SLC38A1: variants seen among roughly 807,000 people sequenced by gnomAD.
SLC38A1 encodes the protein solute carrier family 38 member 1, also known as sodium-coupled neutral amino acid symporter 1.
Under a neutral mutation model 60.3 loss-of-function variants are expected in SLC38A1, and 18 were observed. The observed-to-expected ratio is 0.30, with a 90% confidence interval of 0.21 to 0.44. The LOEUF is 0.44. Among genes scored for constraint, SLC38A1 ranks in the 20% least tolerant of loss-of-function variants. SLC38A1 has a pLI of 1.00. For missense variants in SLC38A1, 448 were observed against 587.2 expected (o/e 0.76, Z 2.45); for synonymous variants, 196 against 212.1 (o/e 0.92, Z 0.66).
intron 5 of SLC38A1, among the ~76,000 whole-genome samples, chr12:46,217,859 C>T (rs535240421): frequency 2.0e-5 from 3 of 152,256 alleles, no homozygotes; most frequent in South Asian, 2.1e-4. Flanking sequence ...TTATTTGTAC[C>T]GTTCTTTCCA....
intron 13 of SLC38A1, among the ~76,000 whole-genome samples, chr12:46,200,150 C>T (rs1389170983): frequency 6.6e-6 from 1 of 152,062 alleles, no homozygotes; most frequent in Non-Finnish European, 1.5e-5. Context: ...CTTAGCAACA[C>T]CATTTTTATG....
intron 16 of SLC38A1, among the ~76,000 whole-genome samples, chr12:46,194,221 G>A (rs374556846): frequency 6.6e-6 from 1 of 152,152 alleles, no homozygotes; most frequent in African/African-American, 2.4e-5. Context: ...AGGAGATTCC[G>A]GGTTGAAAAT....
At chr12:46,242,074 C>T (rs112465515) in intron 2 of SLC38A1, among the ~76,000 whole-genome samples, 8 of 151,896 alleles carry the variant, frequency 5.3e-5, no homozygotes, top group East Asian at 1.9e-4. Context: ...ATCACACACG[C>T]GTGCACGTGT....
chr12:46,206,044 A>C, intron 9 of SLC38A1, 36 bp downstream of exon 9: 151 of 1,118,664 alleles, frequency 1.3e-4, no homozygotes, highest in Non-Finnish European at 1.9e-4. Context: ...TCACTTGGGC[A>C]CTGCAGAATA....
chr12:46,220,285 C>T (rs1263938339), intron 5 of SLC38A1, among the ~76,000 whole-genome samples: 1 of 152,230 alleles, frequency 6.6e-6, no homozygotes, highest in Admixed American at 6.5e-5. Context: ...ATTTCTCCCT[C>T]TCCCGGGTTA....
chr12:46,201,022 A>G (rs1382265432), intron 13 of SLC38A1, 76 bp downstream of exon 13: 5 of 1,085,470 alleles, frequency 4.6e-6, no homozygotes, highest in Non-Finnish European at 6.8e-6. Flanking sequence ...CTTTCATGTT[A>G]AAAGTTATTT....
intron 3 of SLC38A1, among the ~76,000 whole-genome samples, chr12:46,236,287 A>T (rs777251603): frequency 4.6e-5 from 7 of 152,208 alleles, no homozygotes; most frequent in Non-Finnish European, 8.8e-5. Context: ...GCAGTAGGAT[A>T]TAAATAAGTC....
rs933464822 is a variant in SLC38A1 at position 46,269,013 on chromosome 12, G to A, written c.-696C>T. On this transcript the variant is annotated 5_prime_UTR_variant, in exon 1 of 17. Transcript: ENST00000398637. ...CGCGCGGTCTCCTCCCCTCCTGTGC[G>A]CCCGCTCTTTAACCAAAGCTGCGTG... The A allele has an allele frequency of 5.7e-5, 19 of 335,498 alleles. No individual in the cohort carries two copies. The Admixed American group carries it at 5.8e-4, about 10-fold the overall frequency. 20.8% of individuals were successfully genotyped at this position (335,498 alleles called of 1,614,324 possible). A position where few individuals can be genotyped will look rare whatever the true frequency, so the allele number is the denominator to read the frequency against.
intron 1 of SLC38A1, among the ~76,000 whole-genome samples, chr12:46,256,632 C>CAGAGAGAGAGAG (rs1305015526): frequency 2.8e-5 from 2 of 71,410 alleles, no homozygotes; most frequent in South Asian, 5.2e-4. Context: ...CACACACACA[C>CAGAGAGAGAGAG]ACACAGAGAG....
chr12:46,189,911 T>C (rs1298680662), intron 16 of SLC38A1, among the ~76,000 whole-genome samples: 2 of 152,172 alleles, frequency 1.3e-5, no homozygotes, highest in Admixed American at 1.3e-4. Context: ...TAAACCTCTT[T>C]CCTTTATAAA....
rs1939888326 is a variant in SLC38A1, at chr12:46,206,146, C to T, written c.580G>A (p.Gly194Ser). The T allele has an allele frequency of 6.2e-7, 1 of 1,608,704 alleles. No homozygotes were observed. The highest frequency in any genetic ancestry group is 1.3e-5 in the African/African-American group (1 of 74,664). ...GTAACTATCACCACCAGAACGCGGC[C>T]ATCCACGTACCAGGCTCTGAAAGGC... The part of the protein sequence containing the change: ...EETFSAWYVD[G>S]RVLVVIVTFG... The change falls in exon 9 of 17, where the codon GGC becomes AGC. Residue 194 changes from glycine (G) to serine (S), a missense_variant. Around this residue, in one of 2 missense-constraint regions of SLC38A1, gnomAD observed 346 missense variants for 497.5 expected, o/e 0.70. Transcript: ENST00000398637.
At chr12:46,204,824 CATTAT>C (rs1939821679) in intron 9 of SLC38A1, among the ~76,000 whole-genome samples, 1 of 152,068 alleles carries the variant, frequency 6.6e-6, no homozygotes, top group Non-Finnish European at 1.5e-5. Context: ...TGAATAGAAA[CATTAT>C]ATTACGTGTT....
Position 46,186,513 on chromosome 12 carries a change from TGAATAA to T in SLC38A1, c.*2451_*2456del, listed in dbSNP as rs1304775466. 1 of 152,180 alleles carries T rather than the reference TGAATAA, an allele frequency of 6.6e-6. No homozygotes were observed. Among genetic ancestry groups the T allele is most frequent in the Non-Finnish European group, 1.5e-5 (1 of 68,038 alleles). The allele number at this position is 152,180 out of a possible 1,614,324, so 9.4% of individuals were successfully genotyped here. On this transcript the variant is annotated 3_prime_UTR_variant, in exon 17 of 17. Coordinates refer to ENST00000398637, the MANE Select transcript of SLC38A1 (RefSeq NM_030674.4). Reference sequence around the variant, plus strand: ...ATTTTTGGCTACCAATTAACTATTCTGAATAAGAATAAGAGCAGTATACTTTACAGC... The same window carrying T: ...ATTTTTGGCTACCAATTAACTATTCTGAATAAGAGCAGTATACTTTACAGC...
chr12:46,239,904 G>A lies in SLC38A1; in HGVS notation c.-93-11C>T. 9.7e-6 allele frequency: 10 copies of A among 1,027,248 alleles called. No homozygotes were observed. Among genetic ancestry groups the A allele is most frequent in the African/African-American group, 1.6e-5 (1 of 61,496 alleles). The allele number at this position is 1,027,248 out of a possible 1,614,324, so 63.6% of individuals were successfully genotyped here. A position where few individuals can be genotyped will look rare whatever the true frequency, so the allele number is the denominator to read the frequency against. On this transcript the variant is annotated splice_polypyrimidine_tract_variant and intron_variant, in intron 2 of 16. Coordinates refer to ENST00000398637, the MANE Select transcript of SLC38A1 (RefSeq NM_030674.4). Reference sequence around the variant, plus strand: ...GGAAGCTTGACACCCCTAAAATATAGCAAAATAAAAAAATAACTAAACATA... The same window carrying A: ...GGAAGCTTGACACCCCTAAAATATAACAAAATAAAAAAATAACTAAACATA...
chr12:46,257,089 C>T (rs1246842477), intron 1 of SLC38A1, among the ~76,000 whole-genome samples: 4 of 152,162 alleles, frequency 2.6e-5, no homozygotes, highest in Non-Finnish European at 4.4e-5. Flanking sequence ...AAAGTTCAGG[C>T]GGCCACTTGT....
chr12:46,259,011 G>A (rs569274259), intron 1 of SLC38A1, among the ~76,000 whole-genome samples: 8 of 152,218 alleles, frequency 5.3e-5, no homozygotes, highest in South Asian at 4.2e-4. Flanking sequence ...TTATATATAT[G>A]GGATTTTTGC....
intron 5 of SLC38A1, among the ~76,000 whole-genome samples, chr12:46,217,562 C>T (rs976349870): frequency 2.0e-5 from 3 of 152,082 alleles, no homozygotes; most frequent in Admixed American, 6.5e-5. Context: ...ATTTTAACCC[C>T]TTTTTAGGGG....
chr12:46,224,089 T>A (rs1256801224), intron 5 of SLC38A1, among the ~76,000 whole-genome samples: 1 of 152,186 alleles, frequency 6.6e-6, no homozygotes, highest in Non-Finnish European at 1.5e-5. Flanking sequence ...TGGGTAAGAC[T>A]CAGATAAAGA....
intron 5 of SLC38A1, among the ~76,000 whole-genome samples, chr12:46,211,419 C>T (rs993051079): frequency 6.6e-6 from 1 of 152,310 alleles, no homozygotes; most frequent in South Asian, 2.1e-4. Context: ...TGAATATCTA[C>T]ACAATTATTT....
Sources: gnomAD v4.1 joint callset for allele counts (sites outside exome capture counted in the v4.1 genomes callset) on GRCh38, gnomAD v4.1.1 for gene constraint, gnomAD v4.1.1 regional missense constraint, MANE v1.5 for transcripts, NCBI Gene and HGNC (gene_info 2026-07-23, HGNC 2026-07-21) for gene names.